MDGA2: variants seen among roughly 807,000 people sequenced by gnomAD.
MDGA2 encodes the protein MAM domain containing glycosylphosphatidylinositol anchor 2.
In MDGA2, 40 loss-of-function variants were observed where a neutral mutation model predicts 117.8. The observed-to-expected ratio is 0.34, with a 90% CI of 0.26 to 0.44. MDGA2 has a LOEUF of 0.44. Ranked by LOEUF, MDGA2 falls within the 20% of genes least tolerant of loss-of-function variation. The probability of loss-of-function intolerance (pLI) is 1.00; values close to 1 mark genes in which losing one functional copy is unlikely to be tolerated. For synonymous variants in MDGA2, 452 were observed against 439.0 expected, an observed-to-expected ratio of 1.03 and a Z score of -0.37; for missense variants, 1,123 against 1,250.6, an observed-to-expected ratio of 0.90 and a Z score of 1.54.
chr14:46,938,079 C>T (rs1376734278), intron 9 of MDGA2, among the ~76,000 whole-genome samples: 2 of 152,144 alleles, frequency 1.3e-5, no homozygotes, highest in African/African-American at 4.8e-5. Flanking sequence ...CCAGAAAATA[C>T]AATGATCTCA....
intron 10 of MDGA2, among the ~76,000 whole-genome samples, chr14:46,915,846 C>A (rs1883878188): frequency 1.3e-5 from 2 of 152,074 alleles, no homozygotes; most frequent in Admixed American, 1.3e-4. Context: ...GGGACACTTG[C>A]TATAAACACA....
At chr14:47,478,869 T>C (rs775514093) in intron 1 of MDGA2, among the ~76,000 whole-genome samples, 44 of 152,170 alleles carry the variant, frequency 2.9e-4, no homozygotes, top group Non-Finnish European at 6.2e-4. Flanking sequence ...TAGAAATCTT[T>C]TGACATCTTG....
At chr14:47,590,671 T>C (rs1034807320) in intron 1 of MDGA2, among the ~76,000 whole-genome samples, 2 of 152,000 alleles carry the variant, frequency 1.3e-5, no homozygotes, top group Admixed American at 6.6e-5. Context: ...ATTGGATTGT[T>C]TGTAACAAAA....
intron 1 of MDGA2, among the ~76,000 whole-genome samples, chr14:47,582,225 T>C (rs1444996119): frequency 1.3e-5 from 2 of 151,778 alleles, no homozygotes; most frequent in Non-Finnish European, 2.9e-5. Context: ...ATATGAGACA[T>C]AAAAGAGGGA....
At chr14:47,103,924 G>C (rs1043615886) in intron 5 of MDGA2, among the ~76,000 whole-genome samples, 4 of 152,060 alleles carry the variant, frequency 2.6e-5, no homozygotes, top group South Asian at 4.1e-4. Context: ...AGTAAGCTGT[G>C]ATATATCAGC....
intron 14 of MDGA2, among the ~76,000 whole-genome samples, chr14:46,868,525 A>G (rs1881868719): frequency 6.6e-6 from 1 of 151,976 alleles, no homozygotes; most frequent in Admixed American, 6.6e-5. Flanking sequence ...AGCTACCCCA[A>G]GGAAAAGCCA....
intron 5 of MDGA2, among the ~76,000 whole-genome samples, chr14:47,131,071 C>G (rs1271061726): frequency 2.6e-5 from 4 of 151,598 alleles, no homozygotes; most frequent in Non-Finnish European, 5.9e-5. Flanking sequence ...TTTCTCAAAA[C>G]CAGTTCAAAT....
chr14:47,171,181 AGAAAGCCATAATCTCT>A (rs756412090), intron 3 of MDGA2, among the ~76,000 whole-genome samples: 6 of 152,306 alleles, frequency 3.9e-5, no homozygotes, highest in Middle Eastern at 3.4e-3. Flanking sequence ...TTTACAGTCC[AGAAAGCCATAATCTCT>A]GAAGAGATTG....
intron 2 of MDGA2, among the ~76,000 whole-genome samples, chr14:47,238,016 C>G (rs1031616950): frequency 1.3e-5 from 2 of 152,086 alleles, no homozygotes; most frequent in African/African-American, 4.8e-5. Flanking sequence ...TTGTCACTCA[C>G]CCCCAGTCAC....
At chr14:47,490,162 T>C (rs1189547319) in intron 1 of MDGA2, among the ~76,000 whole-genome samples, 1 of 152,098 alleles carries the variant, frequency 6.6e-6, no homozygotes, top group Non-Finnish European at 1.5e-5. Flanking sequence ...GCTAATAAAC[T>C]GTGTAAAGAT....
rs927710034 is a variant in MDGA2 at position 47,301,338 on chromosome 14, C to T, written c.420+73G>A. 3.3e-5 allele frequency: 49 copies of T among 1,493,838 alleles called. No individual in the cohort carries two copies. The African/African-American group carries it at 6.8e-4, about 21-fold the overall frequency. 92.5% of individuals were successfully genotyped at this position (1,493,838 alleles called of 1,614,324 possible). ...ACACACACAGTTTTAGCTAAATATTCTAAAATATACACTTTTTGACTTCTG... is the reference window on the plus strand; with the variant it reads ...ACACACACAGTTTTAGCTAAATATTTTAAAATATACACTTTTTGACTTCTG... On this transcript the variant is annotated intron_variant, in intron 2 of 16. Transcript: ENST00000399232.
At chr14:47,401,773 G>C (rs571085649) in intron 1 of MDGA2, among the ~76,000 whole-genome samples, 1 of 152,256 alleles carries the variant, frequency 6.6e-6, no homozygotes, top group Admixed American at 6.5e-5. Context: ...CTCTCTTATG[G>C]AAACCCCATG....
intron 3 of MDGA2, among the ~76,000 whole-genome samples, chr14:47,174,363 C>G (rs1372516421): frequency 6.6e-6 from 1 of 152,090 alleles, no homozygotes; most frequent in Non-Finnish European, 1.5e-5. Flanking sequence ...CAGCACCACA[C>G]CACACCTATT....
At chr14:47,210,543 T>C (rs1378249817) in intron 3 of MDGA2, among the ~76,000 whole-genome samples, 1 of 152,166 alleles carries the variant, frequency 6.6e-6, no homozygotes, top group African/African-American at 2.4e-5. Flanking sequence ...AACAAATATA[T>C]TTGGGAATAA....
chr14:46,950,722 TATTA>T (rs1192331065), intron 9 of MDGA2, among the ~76,000 whole-genome samples: 1 of 151,978 alleles, frequency 6.6e-6, no homozygotes, highest in African/African-American at 2.4e-5. Flanking sequence ...TTCTGATAGT[TATTA>T]ATGATTTTTA....
intron 5 of MDGA2, among the ~76,000 whole-genome samples, chr14:47,126,101 G>C (rs1881889787): frequency 6.6e-6 from 1 of 151,596 alleles, no homozygotes; most frequent in Non-Finnish European, 1.5e-5. Context: ...ATTTTAACAG[G>C]CTTATTTTAA....
At chr14:47,151,962 T>A (rs1177151856) in intron 3 of MDGA2, among the ~76,000 whole-genome samples, 1 of 152,144 alleles carries the variant, frequency 6.6e-6, no homozygotes, top group Admixed American at 6.5e-5. Flanking sequence ...AGGAAATTGA[T>A]ATGTATCATA....
chr14:47,257,218 G>C (rs773171468), intron 2 of MDGA2, among the ~76,000 whole-genome samples: 10 of 152,052 alleles, frequency 6.6e-5, no homozygotes, highest in Non-Finnish European at 1.5e-4. Flanking sequence ...TGCTCCCCTT[G>C]CTTGTCAGAT....
intron 3 of MDGA2, among the ~76,000 whole-genome samples, chr14:47,191,370 A>G (rs1885106716): frequency 6.6e-6 from 1 of 150,430 alleles, no homozygotes; most frequent in African/African-American, 2.4e-5. Flanking sequence ...TACAAAATAC[A>G]TTAGCTTCTG....
Sources: allele counts gnomAD v4.1 joint callset (sites outside exome capture counted in the v4.1 genomes callset), GRCh38; gene constraint gnomAD v4.1.1; transcripts MANE v1.5; gene names NCBI Gene and HGNC (gene_info 2026-07-23, HGNC 2026-07-21).